TRAPPC10: variants seen among roughly 807,000 people sequenced by gnomAD.
TRAPPC10 encodes TRAPP 130 kDa subunit.
Under a neutral mutation model 125.5 loss-of-function variants are expected in TRAPPC10, and 23 were observed. The observed-to-expected ratio is 0.18, with a 90% CI of 0.13 to 0.26. TRAPPC10 has a LOEUF of 0.26. Among genes scored for constraint, TRAPPC10 ranks in the 10% least tolerant of loss-of-function variants. TRAPPC10 has a pLI of 1.00. For synonymous variants in TRAPPC10, 509 were observed against 518.0 expected (o/e 0.98, Z 0.24); for missense variants, 1,123 against 1,308.4 (o/e 0.86, Z 2.19).
chr21:44,081,113 T>A (rs1462535890), intron 13 of TRAPPC10, among the ~76,000 whole-genome samples: 1 of 147,638 alleles, frequency 6.8e-6, no homozygotes, highest in African/African-American at 2.5e-5. Context: ...CCTTCTGGAG[T>A]CAAGAGATCC....
chr21:44,068,444 G>T (rs961554183), intron 7 of TRAPPC10, among the ~76,000 whole-genome samples: 1 of 152,098 alleles, frequency 6.6e-6, no homozygotes, highest in Non-Finnish European at 1.5e-5. Context: ...TGTGTGTCAC[G>T]TTGAAGCTTG....
chr21:44,087,654 A>G lies in TRAPPC10; in HGVS notation c.2540-45A>G, dbSNP rs1396045334. ...CCTGCTGTAAGGAAAAGGACAAGTGAAACCGAGGGAACAGCTTTGAAGTGA... is the reference window on the plus strand; with the variant it reads ...CCTGCTGTAAGGAAAAGGACAAGTGGAACCGAGGGAACAGCTTTGAAGTGA... On this transcript the variant is annotated intron_variant, in intron 16 of 22. Coordinates refer to ENST00000291574, the MANE Select transcript of TRAPPC10 (RefSeq NM_003274.5). This position sits in a 1 kb window ranked among gnomAD's most constrained non-coding sequence, Gnocchi z 4.6. The G allele has an allele frequency of 6.4e-7, 1 of 1,565,670 alleles. No homozygotes were observed. Among genetic ancestry groups the G allele is most frequent in the Non-Finnish European group, 8.7e-7 (1 of 1,144,468 alleles).
chr21:44,034,988 C>A (rs2033884104), intron 2 of TRAPPC10, among the ~76,000 whole-genome samples: 1 of 152,202 alleles, frequency 6.6e-6, no homozygotes, highest in Non-Finnish European at 1.5e-5. Context: ...CAAGAATAAG[C>A]TAATGTCCTA....
intron 3 of TRAPPC10, among the ~76,000 whole-genome samples, chr21:44,051,127 C>G (rs2035206856): frequency 6.6e-6 from 1 of 152,216 alleles, no homozygotes; most frequent in Admixed American, 6.5e-5. Flanking sequence ...TGGTCTTGAA[C>G]TCCTGAGCTC....
intron 14 of TRAPPC10, among the ~76,000 whole-genome samples, chr21:44,083,755 T>C (rs114208369): frequency 1.5e-3 from 229 of 152,334 alleles, no homozygotes; most frequent in African/African-American, 5.2e-3. Flanking sequence ...TCCTGTAAGT[T>C]CCACTAACTC....
At chr21:44,071,064 C>T (rs575572281) in intron 7 of TRAPPC10, among the ~76,000 whole-genome samples, 16 of 152,262 alleles carry the variant, frequency 1.1e-4, no homozygotes, top group African/African-American at 2.2e-4. Context: ...AAGAACAGGC[C>T]GACAGACTCA....
chr21:44,042,818 T>C (rs1055342178), intron 3 of TRAPPC10, among the ~76,000 whole-genome samples: 2 of 152,212 alleles, frequency 1.3e-5, no homozygotes, highest in South Asian at 2.1e-4. Flanking sequence ...CTTAGGTGTT[T>C]ACAACTTACA....
intron 6 of TRAPPC10, chr21:44,062,556 C>G: frequency 2.0e-6 from 2 of 984,880 alleles, no homozygotes; most frequent in Non-Finnish European, 2.4e-6. Flanking sequence ...GGGAGCCTAG[C>G]CAAGGGAACT....
intron 1 of TRAPPC10, among the ~76,000 whole-genome samples, chr21:44,014,142 T>C (rs1454795490): frequency 6.6e-6 from 1 of 152,230 alleles, no homozygotes; most frequent in East Asian, 1.9e-4. Flanking sequence ...AATAGCAATA[T>C]GTATTTATAG....
At chr21:44,047,258 C>T (rs1198267508) in intron 3 of TRAPPC10, among the ~76,000 whole-genome samples, 2 of 152,166 alleles carry the variant, frequency 1.3e-5, no homozygotes, top group Non-Finnish European at 2.9e-5. Context: ...TCTTGTCTCA[C>T]CACAACCTCT....
intron 1 of TRAPPC10, among the ~76,000 whole-genome samples, chr21:44,013,411 C>G (rs544377873): frequency 1.3e-5 from 2 of 149,502 alleles, no homozygotes; most frequent in African/African-American, 4.8e-5. Context: ...CAGACTGTTA[C>G]GATTTTTGAC....
At chr21:44,078,983 G>A (rs913600652) in intron 11 of TRAPPC10, among the ~76,000 whole-genome samples, 1 of 152,158 alleles carries the variant, frequency 6.6e-6, no homozygotes, top group Non-Finnish European at 1.5e-5. Flanking sequence ...TGCTTTGGGG[G>A]CCAAGTGTGG....
At chr21:44,046,295 G>A in intron 3 of TRAPPC10, 1 of 246,784 alleles carries the variant, frequency 4.1e-6, no homozygotes, top group South Asian at 6.7e-5. Context: ...ACCAACACTG[G>A]ACAGCTGGTA....
chr21:44,047,205 C>A (rs576542780), intron 3 of TRAPPC10, among the ~76,000 whole-genome samples: 2 of 152,152 alleles, frequency 1.3e-5, no homozygotes, highest in South Asian at 4.1e-4. Flanking sequence ...ATTTTTGAGG[C>A]AGGGTGTTAC....
intron 5 of TRAPPC10, among the ~76,000 whole-genome samples, chr21:44,056,802 T>C (rs2035628404): frequency 6.6e-6 from 1 of 152,016 alleles, no homozygotes; most frequent in Non-Finnish European, 1.5e-5. Flanking sequence ...ACTACATCAG[T>C]GGAAAAACCA....
chr21:44,082,761 G>A lies in TRAPPC10; in HGVS notation c.1724-27G>A. 6.2e-7 allele frequency: 1 copy of A among 1,609,228 alleles called. No homozygotes were observed. Among genetic ancestry groups the A allele is most frequent in the South Asian group, 1.1e-5 (1 of 90,962 alleles). ...ACTGTCAGGAAGTGTGACTTGGGGA[G>A]TCACTTACGATAATGTCTATTTACA... On this transcript the variant is annotated intron_variant, in intron 13 of 22. Transcript: ENST00000291574. The surrounding 1 kb of genome is among the most constrained non-coding windows in gnomAD (Gnocchi z 4.4).
At chr21:44,029,592 G>T (rs1408701427) in intron 1 of TRAPPC10, among the ~76,000 whole-genome samples, 1 of 152,192 alleles carries the variant, frequency 6.6e-6, no homozygotes, top group East Asian at 1.9e-4. Context: ...TCTACGCTGG[G>T]GCACTGTCTT....
At chr21:44,079,086 C>T (rs561956989) in intron 11 of TRAPPC10, among the ~76,000 whole-genome samples, 2 of 152,154 alleles carry the variant, frequency 1.3e-5, no homozygotes, top group African/African-American at 2.4e-5. Flanking sequence ...CTTCCGCTTG[C>T]GCCCTGTAGA....
chr21:44,019,257 C>T (rs2032226055), intron 1 of TRAPPC10, among the ~76,000 whole-genome samples: 1 of 152,144 alleles, frequency 6.6e-6, no homozygotes. Context: ...GCCATGTTGC[C>T]CAGGCACGTT....
Sources: gnomAD v4.1 joint callset for allele counts (sites outside exome capture counted in the v4.1 genomes callset) on GRCh38, gnomAD v4.1.1 for gene constraint, Gnocchi (gnomAD v3.1) non-coding constraint, MANE v1.5 for transcripts, NCBI Gene and HGNC (gene_info 2026-07-23, HGNC 2026-07-21) for gene names.